RPLP0: variants seen among roughly 807,000 people sequenced by gnomAD.
The protein encoded by RPLP0 is large ribosomal subunit protein uL10.
For missense variants in RPLP0, 276 were observed against 402.9 expected, an observed-to-expected ratio of 0.69 and a Z score of 2.70; for synonymous variants, 137 against 153.4, an observed-to-expected ratio of 0.89 and a Z score of 0.79.
chr12:120,199,076 G>A (rs1287136311), intron 4 of RPLP0, 42 bp downstream of exon 4: 2 of 1,610,504 alleles, frequency 1.2e-6, no homozygotes, highest in Non-Finnish European at 1.7e-6. Context: ...GCTTTAAGGA[G>A]CAACAACAAA....
intron 3 of RPLP0, 26 bp downstream of exon 3, chr12:120,199,284 A>C (rs1434788109): frequency 6.2e-7 from 1 of 1,614,022 alleles, no homozygotes; most frequent in South Asian, 1.1e-5. Flanking sequence ...CTGGGGAGAA[A>C]GGACAAAACT....
chr12:120,197,110 A>C, intron 7 of RPLP0, 176 bp from the exon 8 acceptor site: 2 of 1,172,152 alleles, frequency 1.7e-6, no homozygotes, highest in Non-Finnish European at 2.4e-6. Flanking sequence ...AGGGTTCCTA[A>C]GGCCCAGCTC....
intron 7 of RPLP0, 139 bp from the exon 8 acceptor site, chr12:120,197,073 G>T (rs1594297394): frequency 1.4e-6 from 2 of 1,421,512 alleles, no homozygotes; most frequent in East Asian, 4.6e-5. Flanking sequence ...GCCCAAGCAG[G>T]ACAGCTTGGG....
chr12:120,197,741 C>T (rs1025686576), intron 6 of RPLP0: 13 of 386,744 alleles, frequency 3.4e-5, no homozygotes, highest in Non-Finnish European at 4.7e-5. Context: ...AAACGACTAA[C>T]GTAGCCATTG....
intron 7 of RPLP0, 115 bp downstream of exon 7, chr12:120,197,207 C>A: frequency 1.8e-6 from 2 of 1,097,306 alleles, no homozygotes; most frequent in South Asian, 1.5e-5. Context: ...AATATCCCCT[C>A]ACAAAATTAT....
At chr12:120,199,974 A>T in intron 2 of RPLP0, 1 of 454,124 alleles carries the variant, frequency 2.2e-6, no homozygotes. Flanking sequence ...ATGTAATACA[A>T]GCTATGCTCT....
Position 120,199,461 on chromosome 12 carries a change from A to G in RPLP0, c.79T>C (p.Cys27Arg), listed in dbSNP as rs1172222201. Reference protein sequence around the residue: ...IIQLLDDYPKCFIVGADNVGS... With the variant: ...IIQLLDDYPKRFIVGADNVGS... ...ACATTGTCTGCTCCCACAATGAAAC[A>G]TTTCGGATAATCATCCAATAGTTGC... The change falls in exon 3 of 8, where the codon TGT becomes CGT. Residue 27 changes from cysteine (C) to arginine (R), a missense_variant. Cys to Arg is a radical substitution (Grantham distance 180, BLOSUM62 -3). Transcript: ENST00000392514. 1.9e-6 allele frequency: 3 copies of G among 1,613,952 alleles called. No individual in the cohort carries two copies. The highest frequency in any genetic ancestry group is 2.5e-6 in the Non-Finnish European group (3 of 1,180,022).
Position 120,198,661 on chromosome 12 carries a change from G to A in RPLP0, c.544C>T (p.Pro182Ser), listed in dbSNP as rs371550795. 4 of 1,614,000 alleles carry A rather than the reference G, an allele frequency of 2.5e-6. No individual in the cohort carries two copies. The African/African-American group carries it at 5.3e-5, about 22-fold the overall frequency. ...ATLLNMLNIS[P>S]FSFGLVIQQV... ...TGGATGACCAGCCCAAAGGAGAAGG[G>A]GGAGATGTTGAGCATGTTCAGCAGC... The change falls in exon 6 of 8, where the codon CCC (proline) becomes TCC (serine). Residue 182 changes from proline (P) to serine (S), a missense_variant. Pro to Ser is a moderately conservative substitution (Grantham distance 74). Coordinates refer to ENST00000392514, the MANE Select transcript of RPLP0 (RefSeq NM_001002.4). The surrounding 1 kb of genome is among the most constrained non-coding windows in gnomAD (Gnocchi z 4.1).
intron 7 of RPLP0, 25 bp from the exon 8 acceptor site, chr12:120,196,959 A>G (rs377760262): frequency 3.1e-6 from 5 of 1,612,612 alleles, no homozygotes; most frequent in Non-Finnish European, 4.2e-6. Flanking sequence ...GAAGTGGTCA[A>G]AATGGTCATC....
At chr12:120,197,709 CT>C (rs1879235649) in intron 6 of RPLP0, 1 of 504,546 alleles carries the variant, frequency 2.0e-6, no homozygotes, top group African/African-American at 1.9e-5. Flanking sequence ...TCCAAAGCCC[CT>C]ACCACAACAG....
chr12:120,199,273 A>T, intron 3 of RPLP0, 37 bp downstream of exon 3: 1 of 1,613,888 alleles, frequency 6.2e-7, no homozygotes, highest in Non-Finnish European at 8.5e-7. Flanking sequence ...GGAGACGGGC[A>T]CTGGGGAGAA....
chr12:120,200,130 G>A lies in RPLP0; in HGVS notation c.54+600C>T, dbSNP rs1594300082. 15 of 455,858 alleles carry A rather than the reference G, an allele frequency of 3.3e-5. 1 individual carries two copies. Among genetic ancestry groups the A allele is most frequent in the South Asian group, 1.5e-4 (10 of 64,570 alleles). The allele number at this position is 455,858 out of a possible 1,614,324, so 28.2% of individuals were successfully genotyped here. On this transcript the variant is annotated intron_variant, in intron 2 of 7. Coordinates refer to ENST00000392514, the MANE Select transcript of RPLP0 (RefSeq NM_001002.4). ...ATGCAACAGCTTGCTTCCTTACAATGAGTCATTCCTGACCTCAGACCTTCT... is the reference window on the plus strand; with the variant it reads ...ATGCAACAGCTTGCTTCCTTACAATAAGTCATTCCTGACCTCAGACCTTCT...
rs187476741 is a variant in RPLP0 at position 120,200,664 on chromosome 12, G to A, written c.54+66C>T. On this transcript the variant is annotated intron_variant, in intron 2 of 7. Coordinates refer to ENST00000392514, the MANE Select transcript of RPLP0 (RefSeq NM_001002.4). ...GGTGTGAGTAGACCCTCAGCACATA[G>A]CAGCTGACTGTCCCTATTTGCGCTG... 6 of 1,547,760 alleles carry A rather than the reference G, an allele frequency of 3.9e-6. No homozygotes were observed. The East Asian group carries it at 1.2e-4, about 31-fold the overall frequency.
At chr12:120,200,616 A>C in intron 2 of RPLP0, 114 bp downstream of exon 2, 1 of 1,194,862 alleles carries the variant, frequency 8.4e-7, no homozygotes, top group South Asian at 1.5e-5. Context: ...GTATTTTCCC[A>C]AAAATGGCCT....
chr12:120,198,083 C>T lies in RPLP0; in HGVS notation c.651+471G>A, dbSNP rs1879252409. Reference sequence around the variant, plus strand: ...AGGCCCTAGAATAACAGCCCCAGCACTGTACATCCATTAATTCATTAAATC... The same window carrying T: ...AGGCCCTAGAATAACAGCCCCAGCATTGTACATCCATTAATTCATTAAATC... On this transcript the variant is annotated intron_variant, in intron 6 of 7. Coordinates refer to ENST00000392514, the MANE Select transcript of RPLP0 (RefSeq NM_001002.4). The surrounding 1 kb of genome is among the most constrained non-coding windows in gnomAD (Gnocchi z 4.1). Among the ~76,000 whole-genome samples, 1 of 152,100 alleles carries T rather than the reference C, an allele frequency of 6.6e-6. No homozygotes were observed. The highest frequency in any genetic ancestry group is 1.5e-5 in the Non-Finnish European group (1 of 68,024).
rs761864865 is a variant in RPLP0 at position 120,199,419 on chromosome 12, G to T, written c.121C>A (p.Gln41Lys). Reference protein sequence around the residue: ...GADNVGSKQMQQIRMSLRGKA... With the variant: ...GADNVGSKQMKQIRMSLRGKA... ...CCGCGAAGGGACATGCGGATCTGCT[G>T]CATCTGCTTGGAGCCCACATTGTCT... is the stretch of plus-strand genomic sequence containing the variant. The change falls in exon 3 of 8, where the codon CAG becomes AAG. Residue 41 changes from glutamine (Q) to lysine (K), a missense_variant. Transcript: ENST00000392514. 1 of 1,614,146 alleles carries T rather than the reference G, an allele frequency of 6.2e-7. No homozygotes were observed. Among genetic ancestry groups the T allele is most frequent in the Non-Finnish European group, 8.5e-7 (1 of 1,180,030 alleles).
intron 4 of RPLP0, 31 bp from the exon 5 acceptor site, chr12:120,199,031 C>G: frequency 6.2e-7 from 1 of 1,613,880 alleles, no homozygotes; most frequent in Non-Finnish European, 8.5e-7. Flanking sequence ...TGAGAAAAGC[C>G]TCTCCACTCA....
chr12:120,199,599 T>C (rs923587499), intron 2 of RPLP0, 114 bp from the exon 3 acceptor site: 3 of 1,150,398 alleles, frequency 2.6e-6, no homozygotes, highest in Non-Finnish European at 3.7e-6. Context: ...TTCTAAGCTT[T>C]TGAAGTCAGA....
In RPLP0 at chr12:120,199,566, T is replaced by A. The variant is rs1177064756; in HGVS notation, c.55-81A>T. 2.8e-6 allele frequency: 4 copies of A among 1,422,196 alleles called. No homozygotes were observed. In the African/African-American group the frequency reaches 5.7e-5, roughly 20 times the overall value. 88.1% of individuals were successfully genotyped at this position (1,422,196 alleles called of 1,614,324 possible). ...GCCAGAAGAAACTGAACCCCACAAT[T>A]TGTTTCCATCCCACTCCCTTTCTTC... On this transcript the variant is annotated intron_variant, in intron 2 of 7. Coordinates refer to ENST00000392514, the MANE Select transcript of RPLP0 (RefSeq NM_001002.4).
Sources: allele counts gnomAD v4.1 joint callset (sites outside exome capture counted in the v4.1 genomes callset), GRCh38; gene constraint gnomAD v4.1.1; non-coding constraint Gnocchi (gnomAD v3.1); transcripts MANE v1.5; gene names NCBI Gene and HGNC (gene_info 2026-07-23, HGNC 2026-07-21).